Variants in NEMP2 observed in about 807,000 individuals in gnomAD.
NEMP2 encodes the protein UPF0571 transmembrane protein.
In NEMP2, 53 loss-of-function variants were observed where a neutral mutation model predicts 54.2. The ratio of observed to expected loss-of-function variants is 0.98; its 90% confidence interval spans 0.78 to 1.23. The LOEUF is 1.23. Among genes scored for constraint, NEMP2 ranks in the 50% most tolerant of loss-of-function variants. NEMP2 has a pLI of 0.00. For synonymous variants in NEMP2, 197 were observed against 190.3 expected (o/e 1.04, Z -0.29); for missense variants, 455 against 511.3 (o/e 0.89, Z 1.06).
Position 190,519,173 on chromosome 2 carries a change from G to T in NEMP2, c.224C>A (p.Thr75Asn), listed in dbSNP as rs1690669498. The part of the protein sequence containing the change: ...YIWSTMQVKI[T>N]SPGLFRIVYI... ...TACAATTCTGAACAGGCCTGGACTG[G>T]TAATTTTCACCTGTAAAACAAGAAC... Residue 75 changes from threonine to asparagine, a missense_variant, in exon 3 of 9, where the codon ACC (threonine) becomes AAC (asparagine). Physicochemically the swap from Thr to Asn is moderately conservative, Grantham distance 65. Around this residue, in one of 3 missense-constraint regions of NEMP2, gnomAD observed 61 missense variants for 97.5 expected, o/e 0.63. Transcript: ENST00000409150. This position sits in a 1 kb window ranked among gnomAD's most constrained non-coding sequence, Gnocchi z 5.4. 10 of 1,543,644 alleles carry T rather than the reference G, an allele frequency of 6.5e-6. No individual in the cohort carries two copies. Among genetic ancestry groups the T allele is most frequent in the Non-Finnish European group, 6.1e-6 (7 of 1,143,414 alleles).
At chr2:190,469,911 A>G in the NEMP2 span, 84 of 1,290,244 alleles carry the variant, frequency 6.5e-5, no homozygotes, top group Non-Finnish European at 9.2e-5. The surrounding 1 kb of genome is among the most constrained non-coding windows in gnomAD (Gnocchi z 5.3). Flanking sequence ...GCTGTGGCTA[A>G]AAGCCCAGTG....
the NEMP2 span, chr2:190,437,294 A>G: frequency 6.2e-7 from 1 of 1,614,262 alleles, no homozygotes; most frequent in Non-Finnish European, 8.5e-7. This position sits in a 1 kb window ranked among gnomAD's most constrained non-coding sequence, Gnocchi z 5.9. Flanking sequence ...TCCTCTGAGG[A>G]GACACCAACC....
In NEMP2 at chr2:190,531,979, GA is replaced by G. The variant is rs35406133; in HGVS notation, c.97+2579del. Among the ~76,000 whole-genome samples the G allele has an allele frequency of 1.2e-4, 18 of 151,772 alleles. No homozygotes were observed. Among genetic ancestry groups the G allele is most frequent in the Non-Finnish European group, 1.8e-4 (12 of 67,912 alleles). On this transcript the variant is annotated intron_variant, in intron 1 of 8. Coordinates refer to ENST00000409150, the MANE Select transcript of NEMP2 (RefSeq NM_001142645.2). This position sits in a 1 kb window ranked among gnomAD's most constrained non-coding sequence, Gnocchi z 4.7. Reference sequence around the variant, plus strand: ...AAAACTGACATGGCCCTCATATGGGGAAAAAAAATATCTTCAGATGAAACTA... The same window carrying G: ...AAAACTGACATGGCCCTCATATGGGGAAAAAAATATCTTCAGATGAAACTA...
At chr2:190,534,509 C>G in intron 1 of NEMP2, 50 bp downstream of exon 1, 1 of 1,353,670 alleles carries the variant, frequency 7.4e-7, no homozygotes, top group South Asian at 1.8e-5. Flanking sequence ...AGCCGCGAAG[C>G]CGGGGAGCGA....
chr2:190,570,410 G>C, the NEMP2 span, among the ~76,000 whole-genome samples: 3 of 152,182 alleles, frequency 2.0e-5, no homozygotes, highest in Non-Finnish European at 4.4e-5. The surrounding 1 kb of genome is among the most constrained non-coding windows in gnomAD (Gnocchi z 5.4). Flanking sequence ...ATTCCTTCCT[G>C]TAAAAAGAAC....
chr2:190,457,838 G>A, the NEMP2 span, among the ~76,000 whole-genome samples: 1 of 152,130 alleles, frequency 6.6e-6, no homozygotes, highest in Admixed American at 6.5e-5. This position sits in a 1 kb window ranked among gnomAD's most constrained non-coding sequence, Gnocchi z 5.1. Flanking sequence ...CTTGGCCAGC[G>A]TGCAGCATAT....
the NEMP2 span, among the ~76,000 whole-genome samples, chr2:190,462,123 CCTT>C: frequency 1.3e-5 from 2 of 152,028 alleles, no homozygotes; most frequent in Non-Finnish European, 2.9e-5. This position sits in a 1 kb window ranked among gnomAD's most constrained non-coding sequence, Gnocchi z 5.7. Flanking sequence ...CTGTCTGTCT[CCTT>C]CTTGGTTTGT....
chr2:190,565,902 C>A, the NEMP2 span, among the ~76,000 whole-genome samples: 1 of 152,178 alleles, frequency 6.6e-6, no homozygotes, highest in African/African-American at 2.4e-5. Flanking sequence ...CTTCCAGCCA[C>A]CAGAACTGTG....
the NEMP2 span, among the ~76,000 whole-genome samples, chr2:190,466,628 C>T: frequency 2.0e-5 from 3 of 152,112 alleles, no homozygotes; most frequent in African/African-American, 4.8e-5. Context: ...GTCATTGTGT[C>T]GTCATTTTCA....
chr2:190,533,949 T>C lies in NEMP2; in HGVS notation c.97+610A>G. ...ACAGCTAGCAGCCGCTACCAGTTCTTGCTTCCTGTGTGCCAGGCATTGTGC... is the reference window on the plus strand; with the variant it reads ...ACAGCTAGCAGCCGCTACCAGTTCTCGCTTCCTGTGTGCCAGGCATTGTGC... On this transcript the variant is annotated intron_variant, in intron 1 of 8. Transcript: ENST00000409150. This position sits in a 1 kb window ranked among gnomAD's most constrained non-coding sequence, Gnocchi z 4.3. The C allele has an allele frequency of 5.1e-6, 5 of 984,688 alleles. No individual in the cohort carries two copies. Among genetic ancestry groups the C allele is most frequent in the Non-Finnish European group, 6.0e-6 (5 of 829,328 alleles). The allele number at this position is 984,688 out of a possible 1,614,324, so 61.0% of individuals were successfully genotyped here. A position where few individuals can be genotyped will look rare whatever the true frequency, so the allele number is the denominator to read the frequency against.
At chr2:190,469,225 G>A in the NEMP2 span, among the ~76,000 whole-genome samples, 1 of 152,202 alleles carries the variant, frequency 6.6e-6, no homozygotes, top group Admixed American at 6.5e-5. The surrounding 1 kb of genome is among the most constrained non-coding windows in gnomAD (Gnocchi z 5.3). Context: ...AGTAGTTAGT[G>A]AATGATAGTT....
the NEMP2 span, chr2:190,435,790 G>T: frequency 2.1e-6 from 1 of 486,342 alleles, no homozygotes; most frequent in South Asian, 3.5e-5. Flanking sequence ...GCCATAAAGA[G>T]TATTCGATTT....
At chr2:190,603,842 A>T in the NEMP2 span, among the ~76,000 whole-genome samples, 1 of 151,586 alleles carries the variant, frequency 6.6e-6, no homozygotes, top group Non-Finnish European at 1.5e-5. Context: ...CACTGGGCAA[A>T]CTCTGGAGTA....
rs904679186 is a variant in NEMP2, at chr2:190,512,042, T to A, written c.954-1505A>T. On this transcript the variant is annotated intron_variant, in intron 7 of 8. Coordinates refer to ENST00000409150, the MANE Select transcript of NEMP2 (RefSeq NM_001142645.2). The surrounding 1 kb of genome is among the most constrained non-coding windows in gnomAD (Gnocchi z 4.5). The stretch of plus-strand genomic sequence containing the variant: ...TAAATCTATTATCTTTTAAAGATCT[T>A]ATAGTTGATGAGCTAGATCAAGGAA... Among the ~76,000 whole-genome samples the A allele has an allele frequency of 6.6e-6, 1 of 151,840 alleles. No individual in the cohort carries two copies. Among genetic ancestry groups the A allele is most frequent in the Non-Finnish European group, 1.5e-5 (1 of 67,966 alleles).
chr2:190,476,588 AC>A, the NEMP2 span, among the ~76,000 whole-genome samples: 2 of 152,152 alleles, frequency 1.3e-5, no homozygotes, highest in Non-Finnish European at 2.9e-5. Context: ...AAATAGGAAC[AC>A]TTTTACACTG....
chr2:190,437,362 G>T, the NEMP2 span: 1 of 1,614,226 alleles, frequency 6.2e-7, no homozygotes, highest in Non-Finnish European at 8.5e-7. This position sits in a 1 kb window ranked among gnomAD's most constrained non-coding sequence, Gnocchi z 5.9. Flanking sequence ...GCTCTGCAGC[G>T]TGCAGTATGG....
the NEMP2 span, among the ~76,000 whole-genome samples, chr2:190,619,506 T>TA: frequency 6.7e-6 from 1 of 149,960 alleles, no homozygotes; most frequent in African/African-American, 2.5e-5. This position sits in a 1 kb window ranked among gnomAD's most constrained non-coding sequence, Gnocchi z 5.5. Flanking sequence ...TCTCAAAAAA[T>TA]AAAAAAATTA....
chr2:190,488,715 C>A, the NEMP2 span: 1 of 1,608,280 alleles, frequency 6.2e-7, no homozygotes, highest in Non-Finnish European at 8.5e-7. The surrounding 1 kb of genome is among the most constrained non-coding windows in gnomAD (Gnocchi z 6.4). Flanking sequence ...CAGCCGTTCC[C>A]CCTGAGCTGA....
the NEMP2 span, among the ~76,000 whole-genome samples, chr2:190,630,191 A>G: frequency 6.6e-6 from 1 of 152,238 alleles, no homozygotes; most frequent in Non-Finnish European, 1.5e-5. This position sits in a 1 kb window ranked among gnomAD's most constrained non-coding sequence, Gnocchi z 5.5. Context: ...CTCCACCACA[A>G]CAATGCTCCT....
Sources: allele counts gnomAD v4.1 joint callset (sites outside exome capture counted in the v4.1 genomes callset), GRCh38; gene constraint gnomAD v4.1.1; regional missense constraint gnomAD v4.1.1; non-coding constraint Gnocchi (gnomAD v3.1); transcripts MANE v1.5; gene names NCBI Gene and HGNC (gene_info 2026-07-23, HGNC 2026-07-21).